Variants in C2CD3 observed in about 807,000 individuals in gnomAD.
The protein encoded by C2CD3 is C2 domain-containing protein 3.
Under a neutral mutation model 234.0 loss-of-function variants are expected in C2CD3, and 148 were observed. The ratio of observed to expected loss-of-function variants is 0.63; its 90% confidence interval spans 0.55 to 0.72. The LOEUF is 0.72. C2CD3 is among the 30% of genes least tolerant of loss of function. The probability of loss-of-function intolerance (pLI) is 0.00; values close to 1 mark genes in which losing one functional copy is unlikely to be tolerated. For missense variants in C2CD3, 2,577 were observed against 2,811.5 expected (o/e 0.92, Z 1.89); for synonymous variants, 1,000 against 1,035.4 (o/e 0.97, Z 0.66).
chr11:74,154,492 C>T (rs547708044), intron 3 of C2CD3, among the ~76,000 whole-genome samples: 2 of 152,202 alleles, frequency 1.3e-5, no homozygotes, highest in African/African-American at 2.4e-5. Flanking sequence ...TGAATAAATA[C>T]TTATAGCCCT....
At chr11:74,141,165 G>A (rs1958036451) in intron 3 of C2CD3, among the ~76,000 whole-genome samples, 1 of 152,212 alleles carries the variant, frequency 6.6e-6, no homozygotes, top group African/African-American at 2.4e-5. Context: ...CGATGTCTCT[G>A]GGAAGGTCAA....
intron 28 of C2CD3, among the ~76,000 whole-genome samples, chr11:74,043,551 G>A (rs1953187345): frequency 6.6e-6 from 1 of 152,104 alleles, no homozygotes; most frequent in East Asian, 1.9e-4. Context: ...GGAACTTCCA[G>A]ATTATTTTCC....
chr11:74,168,219 C>T, intron 2 of C2CD3, 125 bp downstream of exon 2: 1 of 762,270 alleles, frequency 1.3e-6, no homozygotes, highest in Non-Finnish European at 2.1e-6. Context: ...ACTATAAAAA[C>T]TCTTTGACTC....
At chr11:74,082,760 AACT>A (rs1279413060) in intron 22 of C2CD3, among the ~76,000 whole-genome samples, 1 of 152,184 alleles carries the variant, frequency 6.6e-6, no homozygotes, top group Non-Finnish European at 1.5e-5. Flanking sequence ...CTTCAAGAAG[AACT>A]ACAAACCACT....
chr11:74,124,644 T>TA (rs1338637891), intron 7 of C2CD3, among the ~76,000 whole-genome samples: 25 of 152,320 alleles, frequency 1.6e-4, no homozygotes, highest in African/African-American at 6.0e-4. Context: ...CTAACTGCCA[T>TA]AATCCAACTA....
chr11:74,125,672 C>A (rs1322840959), intron 7 of C2CD3, among the ~76,000 whole-genome samples: 3 of 152,038 alleles, frequency 2.0e-5, no homozygotes, highest in African/African-American at 7.3e-5. Context: ...TGTATCAGAG[C>A]CAAGTACAGT....
chr11:74,021,213 C>T (rs1952070097), intron 32 of C2CD3, among the ~76,000 whole-genome samples: 2 of 152,032 alleles, frequency 1.3e-5, no homozygotes, highest in Admixed American at 1.3e-4. Flanking sequence ...CACTGCACTC[C>T]AGTCTGGGCA....
At chr11:74,090,490 G>C (rs1366291335) in intron 20 of C2CD3, among the ~76,000 whole-genome samples, 1 of 152,180 alleles carries the variant, frequency 6.6e-6, no homozygotes, top group Admixed American at 6.5e-5. Context: ...AGACTGAAAG[G>C]AATGAAGTGA....
chr11:74,082,372 C>T (rs1050461455), intron 22 of C2CD3, among the ~76,000 whole-genome samples: 1 of 152,108 alleles, frequency 6.6e-6, no homozygotes, highest in Non-Finnish European at 1.5e-5. Flanking sequence ...ACCTCGGCCT[C>T]CCAAAGTGCT....
chr11:74,078,783 T>C (rs946915553), intron 22 of C2CD3, 66 bp from the exon 23 acceptor site: 2 of 1,415,504 alleles, frequency 1.4e-6, no homozygotes, highest in African/African-American at 2.9e-5. Flanking sequence ...AGTTACTTAC[T>C]CTCCACCCCA....
rs369982563 is a variant in C2CD3, at chr11:74,078,580, C to T, written c.4138G>A (p.Glu1380Lys). The change falls in exon 23 of 33, where the codon GAA becomes AAA. Residue 1380 changes from glutamate (E) to lysine (K), a missense_variant. By Grantham distance (56) the Glu-to-Lys change is moderately conservative. Coordinates refer to ENST00000334126, the MANE Select transcript of C2CD3 (RefSeq NM_001286577.2). ...THRGDRERVL[E>K]AAEHLGWSFE... The stretch of plus-strand genomic sequence containing the variant: ...CTCCAGCCCAAATGCTCAGCAGCTT[C>T]CAACACCCGTTCTCTATCTCCACGA... 2 of 1,614,156 alleles carry T rather than the reference C, an allele frequency of 1.2e-6. No homozygotes were observed. Among genetic ancestry groups the T allele is most frequent in the East Asian group, 2.2e-5 (1 of 44,880 alleles).
intron 18 of C2CD3, among the ~76,000 whole-genome samples, chr11:74,093,349 T>C (rs1249147450): frequency 6.8e-6 from 1 of 147,968 alleles, no homozygotes; most frequent in Non-Finnish European, 1.5e-5. Flanking sequence ...ATTTGTTATA[T>C]ATAAATTATA....
At chr11:74,113,066 A>G (rs1359028844) in intron 11 of C2CD3, 1 of 152,294 alleles carries the variant, frequency 6.6e-6, no homozygotes, top group Non-Finnish European at 1.5e-5. Context: ...GCAACTGAGA[A>G]AAGGATAAAT....
intron 9 of C2CD3, among the ~76,000 whole-genome samples, chr11:74,117,996 C>T (rs1393446597): frequency 6.6e-6 from 1 of 151,854 alleles, no homozygotes; most frequent in Admixed American, 6.6e-5. Context: ...CAGAAATCAC[C>T]ACTAAAGAAC....
At chr11:74,105,726 T>C (rs966218347) in intron 13 of C2CD3, among the ~76,000 whole-genome samples, 14 of 152,058 alleles carry the variant, frequency 9.2e-5, no homozygotes, top group African/African-American at 2.9e-4. Flanking sequence ...TAGTTACTGC[T>C]CTCCTTCTTT....
rs150277582 is a variant in C2CD3, at chr11:74,080,278, A to G, written c.4001-1561T>C. Among the ~76,000 whole-genome samples, 338 of 152,274 alleles carry G rather than the reference A, an allele frequency of 2.2e-3. 1 individual carries two copies. Among genetic ancestry groups the G allele is most frequent in the African/African-American group, 7.7e-3 (319 of 41,560 alleles). ...AAGGTTTTATGACTTTTGGACAGGT[A>G]TTTAACTTTTCTGGGTGTTCTTGTT... On this transcript the variant is annotated intron_variant, in intron 22 of 32. Coordinates refer to ENST00000334126, the MANE Select transcript of C2CD3 (RefSeq NM_001286577.2).
At chr11:74,029,397 G>A (rs1294623688) in intron 31 of C2CD3, among the ~76,000 whole-genome samples, 1 of 152,216 alleles carries the variant, frequency 6.6e-6, no homozygotes, top group Non-Finnish European at 1.5e-5. Flanking sequence ...ACCTAGCATA[G>A]TACCTGGGAG....
intron 29 of C2CD3, among the ~76,000 whole-genome samples, chr11:74,040,263 T>A (rs933953418): frequency 6.6e-6 from 1 of 152,152 alleles, no homozygotes; most frequent in Admixed American, 6.5e-5. Context: ...AACAGTTTCA[T>A]CTGGAAACCA....
intron 3 of C2CD3, among the ~76,000 whole-genome samples, chr11:74,145,260 T>G (rs1855099112): frequency 6.6e-6 from 1 of 152,240 alleles, no homozygotes. Flanking sequence ...TAATAGCCAT[T>G]CTGACTGGTG....
Sources: allele counts gnomAD v4.1 joint callset (sites outside exome capture counted in the v4.1 genomes callset), GRCh38; gene constraint gnomAD v4.1.1; transcripts MANE v1.5; gene names NCBI Gene and HGNC (gene_info 2026-07-23, HGNC 2026-07-21).